ZNF792: variants seen among roughly 807,000 people sequenced by gnomAD.
ZNF792 encodes zinc finger protein 792.
In ZNF792, 14 loss-of-function variants were observed where a neutral mutation model predicts 13.1. That is an observed-to-expected ratio of 1.07 (90% CI 0.71 to 1.67). ZNF792 has a LOEUF of 1.67. Ranked by LOEUF, ZNF792 falls within the 40% of genes most tolerant of loss-of-function variation. ZNF792 has a pLI of 0.00. For missense variants in ZNF792, 740 were observed against 807.9 expected, an observed-to-expected ratio of 0.92 and a Z score of 1.02; for synonymous variants, 257 against 292.0, an observed-to-expected ratio of 0.88 and a Z score of 1.22.
chr19:34,958,855 C>T lies in ZNF792; in HGVS notation c.1000G>A (p.Gly334Ser), dbSNP rs769344554. The T allele has an allele frequency of 1.4e-5, 22 of 1,612,304 alleles. No individual in the cohort carries two copies. Among genetic ancestry groups the T allele is most frequent in the Non-Finnish European group, 1.8e-5 (21 of 1,178,708 alleles). ...TCACCACACACGTGAGGGCTTTCACCGGTGTGAACCCTGCGATGTTTAACA... is the reference window on the plus strand; with the variant it reads ...TCACCACACACGTGAGGGCTTTCACTGGTGTGAACCCTGCGATGTTTAACA... ...SLVKHRRVHT[G>S]ESPHVCGDCG... Residue 334 changes from glycine to serine, a missense_variant, in exon 4 of 4, where the codon GGT becomes AGT. Transcript: ENST00000404801.
chr19:34,963,419 A>G (rs1043623045), intron 1 of ZNF792, among the ~76,000 whole-genome samples: 1 of 151,498 alleles, frequency 6.6e-6, no homozygotes, highest in Admixed American at 6.6e-5. Flanking sequence ...CCTCCATCCC[A>G]TTACATTTCA....
rs2013474274 is a variant in ZNF792, at chr19:34,958,622, T to C, written c.1233A>G (p.Lys411=). ...TTTCTCCAGTGTGAACTCTCCAATG[T>C]TTAATTAGGCTGGAGTTGCAGTTGA... is the stretch of plus-strand genomic sequence containing the variant. ...KSFNCNSSLI[K]HWRVHTGERP... The change falls in exon 4 of 4, where the codon AAA becomes AAG. Residue 411 remains lysine, a synonymous_variant. Transcript: ENST00000404801. 1 of 1,613,166 alleles carries C rather than the reference T, an allele frequency of 6.2e-7. No homozygotes were observed. The highest frequency in any genetic ancestry group is 2.2e-5 in the East Asian group (1 of 44,870).
In ZNF792 at chr19:34,956,805, C is replaced by T. The variant is rs2013438472; in HGVS notation, c.*1151G>A. 6.6e-6 allele frequency: 1 copy of T among 152,216 alleles called. No individual in the cohort carries two copies. 9.4% of individuals were successfully genotyped at this position (152,216 alleles called of 1,614,324 possible). On this transcript the variant is annotated 3_prime_UTR_variant, in exon 4 of 4. Transcript: ENST00000404801. ...TCCCTATTTTCCTGCCAGCACAGCACTGGCCTTCAGATGCACAGCACGGAG... is the reference window on the plus strand; with the variant it reads ...TCCCTATTTTCCTGCCAGCACAGCATTGGCCTTCAGATGCACAGCACGGAG...
rs1012416681 is a variant in ZNF792, at chr19:34,958,952, C to G, written c.903G>C (p.Gln301His). ...ACGGTTTTCCTCTATTGTGAACTTT[C>G]TGGTGTTGAGTGAGGTCAGCGGCGT... ...FTYAADLTQH[Q>H]KVHNRGKPYE... The change falls in exon 4 of 4, where the codon CAG becomes CAC. Residue 301 changes from glutamine (Q) to histidine (H), a missense_variant. By Grantham distance (24) the Gln-to-His change is conservative (BLOSUM62 0). Transcript: ENST00000404801. 1.9e-6 allele frequency: 3 copies of G among 1,614,160 alleles called. No individual in the cohort carries two copies. In the East Asian group the frequency reaches 6.7e-5, roughly 36 times the overall value.
At position 34,957,310 on chromosome 19, in the gene ZNF792, A is replaced by C. The variant is rs1230973555; in HGVS notation, c.*646T>G. 1.3e-5 allele frequency: 2 copies of C among 151,994 alleles called. No individual in the cohort carries two copies. The highest frequency in any genetic ancestry group is 2.1e-4 in the South Asian group (1 of 4,816). 9.4% of individuals were successfully genotyped at this position (151,994 alleles called of 1,614,324 possible). A position where few individuals can be genotyped will look rare whatever the true frequency, so the allele number is the denominator to read the frequency against. On this transcript the variant is annotated 3_prime_UTR_variant, in exon 4 of 4. Coordinates refer to ENST00000404801, the MANE Select transcript of ZNF792 (RefSeq NM_175872.5). ...AATATTATACCCATAAATTCCTACAATTTTTCCTAGGAGGCCTTGGTGGCA... is the reference window on the plus strand; with the variant it reads ...AATATTATACCCATAAATTCCTACACTTTTTCCTAGGAGGCCTTGGTGGCA...
Position 34,957,721 on chromosome 19 carries a change from A to C in ZNF792, c.*235T>G. 1.1e-5 allele frequency: 5 copies of C among 467,036 alleles called. No homozygotes were observed. Among genetic ancestry groups the C allele is most frequent in the East Asian group, 3.5e-5 (1 of 28,916 alleles). 28.9% of individuals were successfully genotyped at this position (467,036 alleles called of 1,614,324 possible). A position where few individuals can be genotyped will look rare whatever the true frequency, so the allele number is the denominator to read the frequency against. ...GCTAAACCAGCCATACAGGGCGGGA[A>C]TGACATCTTCCCAAGGCTTCAGACT... On this transcript the variant is annotated 3_prime_UTR_variant, in exon 4 of 4. Coordinates refer to ENST00000404801, the MANE Select transcript of ZNF792 (RefSeq NM_175872.5).
rs1063235 is a variant in ZNF792 at position 34,957,899 on chromosome 19, C to A, written c.*57G>T. ...CCAGCAGTGAAAAAACGCTGATAAA[C>A]TCTACAGTAAGAGAATGTAACTTGT... On this transcript the variant is annotated 3_prime_UTR_variant, in exon 4 of 4. Transcript: ENST00000404801. The A allele has an allele frequency of 0.5, 752,949 of 1,497,740 alleles. 195,667 individuals are homozygous for A. The highest frequency in any genetic ancestry group is 0.85 in the African/African-American group (61,132 of 71,576). The allele number at this position is 1,497,740 out of a possible 1,614,324, so 92.8% of individuals were successfully genotyped here.
intron 2 of ZNF792, 35 bp from the exon 3 acceptor site, chr19:34,960,392 C>G: frequency 1.2e-6 from 2 of 1,605,314 alleles, no homozygotes; most frequent in Non-Finnish European, 1.7e-6. Context: ...GTGGCCAGCA[C>G]CTGCCCAGTT....
rs375658175 is a variant in ZNF792, at chr19:34,958,579, C to T, written c.1276G>A (p.Glu426Lys). ...ATGTGGCTGAAGAATTTCCCACATT[C>T]GTTACACTTGTAAGGTCTTTCTCCA... ...HTGERPYKCN[E>K]CGKFFSHIAS... is the part of the protein sequence containing the mutation. Residue 426 changes from glutamate (E) to lysine (K), a missense_variant, in exon 4 of 4, where the codon GAA (glutamate) becomes AAA (lysine). Transcript: ENST00000404801. The T allele has an allele frequency of 5.6e-6, 9 of 1,603,826 alleles. No individual in the cohort carries two copies. Among genetic ancestry groups the T allele is most frequent in the Middle Eastern group, 1.7e-4 (1 of 6,008 alleles).
Position 34,958,972 on chromosome 19 carries a change from C to A in ZNF792, c.883G>T (p.Ala295Ser). 1 of 1,614,096 alleles carries A rather than the reference C, an allele frequency of 6.2e-7. No homozygotes were observed. Among genetic ancestry groups the A allele is most frequent in the South Asian group, 1.1e-5 (1 of 91,062 alleles). The change falls in exon 4 of 4, where the codon GCT (alanine) becomes TCT (serine). Residue 295 changes from alanine (A) to serine (S), a missense_variant. Ala to Ser is a moderately conservative substitution (Grantham distance 99). Coordinates refer to ENST00000404801, the MANE Select transcript of ZNF792 (RefSeq NM_175872.5). ...SKCGIFFTYA[A>S]DLTQHQKVHN... ...ACTTTCTGGTGTTGAGTGAGGTCAG[C>A]GGCGTAAGTGAAGAAGATTCCACAT...
rs752879220 is a variant in ZNF792 at position 34,958,079 on chromosome 19, A to T, written c.1776T>A (p.Asn592Lys). 1 of 1,612,552 alleles carries T rather than the reference A, an allele frequency of 6.2e-7. No homozygotes were observed. The highest frequency in any genetic ancestry group is 1.3e-5 in the African/African-American group (1 of 74,928). Residue 592 changes from asparagine to lysine, a missense_variant, in exon 4 of 4, where the codon AAT (asparagine) becomes AAA (lysine). Coordinates refer to ENST00000404801, the MANE Select transcript of ZNF792 (RefSeq NM_175872.5). ...KIHIRERSME[N>K]VLLPCSQHTP... Reference sequence around the variant, plus strand: ...TGTGCTGTGAACAGGGAAGGAGCACATTCTCCATGCTCCTTTCTCTGATGT... The same window carrying T: ...TGTGCTGTGAACAGGGAAGGAGCACTTTCTCCATGCTCCTTTCTCTGATGT...
Position 34,959,367 on chromosome 19 carries a change from TC to T in ZNF792, c.487del (p.Glu163ArgfsTer4), listed in dbSNP as rs1233593891. The T allele has an allele frequency of 1.2e-6, 2 of 1,614,130 alleles. No homozygotes were observed. Among genetic ancestry groups the T allele is most frequent in the Non-Finnish European group, 8.5e-7 (1 of 1,179,962 alleles). On this transcript the variant is annotated frameshift_variant, in exon 4 of 4. Transcript: ENST00000404801. LOFTEE classifies it low-confidence loss of function (END_TRUNC). Reference sequence around the variant, plus strand: ...GAACTCAGAGCCTTTCACATATGCCTCACACACAAATGGTTTCTGCCTGGGA... The same window carrying T: ...GAACTCAGAGCCTTTCACATATGCCTACACACAAATGGTTTCTGCCTGGGA... ...THPRQKPFVC[E>X]AYVKGSEFSA... is the part of the protein sequence containing the mutation.
rs780777179 is a variant in ZNF792 at position 34,963,689 on chromosome 19, C to T, written c.-27G>A. 5.1e-6 allele frequency: 8 copies of T among 1,574,008 alleles called. No individual in the cohort carries two copies. Among genetic ancestry groups the T allele is most frequent in the Middle Eastern group, 3.4e-4 (2 of 5,914 alleles). On this transcript the variant is annotated 5_prime_UTR_variant, in exon 1 of 4. Coordinates refer to ENST00000404801, the MANE Select transcript of ZNF792 (RefSeq NM_175872.5). Reference sequence around the variant, plus strand: ...GGAGTCTGTGGTCAGAGCAGGGCCCCACGGTGCGGGAAACCACGGGGCGGG... The same window carrying T: ...GGAGTCTGTGGTCAGAGCAGGGCCCTACGGTGCGGGAAACCACGGGGCGGG...
rs1457197181 is a variant in ZNF792 at position 34,958,360 on chromosome 19, G to T, written c.1495C>A (p.Leu499Ile). Residue 499 changes from leucine to isoleucine, a missense_variant, in exon 4 of 4, where the codon CTT becomes ATT. By Grantham distance (5) the Leu-to-Ile change is conservative (BLOSUM62 2). Coordinates refer to ENST00000404801, the MANE Select transcript of ZNF792 (RefSeq NM_175872.5). ...QSSSLNSHRR[L>I]HTGERPYQCS... Reference sequence around the variant, plus strand: ...TGGTAAGGCCGTTCACCAGTGTGAAGTCTCCGATGGCTATTGAGGCTGGAG... The same window carrying T: ...TGGTAAGGCCGTTCACCAGTGTGAATTCTCCGATGGCTATTGAGGCTGGAG... The T allele has an allele frequency of 6.2e-7, 1 of 1,612,602 alleles. No individual in the cohort carries two copies. The highest frequency in any genetic ancestry group is 8.5e-7 in the Non-Finnish European group (1 of 1,179,514).
In ZNF792 at chr19:34,958,784, C is replaced by T; in HGVS notation, c.1071G>A (p.Lys357=). 3 of 1,614,104 alleles carry T rather than the reference C, an allele frequency of 1.9e-6. No homozygotes were observed. Among genetic ancestry groups the T allele is most frequent in the Non-Finnish European group, 2.5e-6 (3 of 1,179,988 alleles). The change falls in exon 4 of 4, where the codon AAG becomes AAA. Residue 357 remains lysine (K), a synonymous_variant. Coordinates refer to ENST00000404801, the MANE Select transcript of ZNF792 (RefSeq NM_175872.5). ...FSRSSNLIQH[K]RVHTGEKPYE... ...ATGGCTTTTCACCAGTGTGAACCCT[C>T]TTATGCTGAATGAGGTTGGAGCTTC...
At position 34,957,858 on chromosome 19, in the gene ZNF792, G is replaced by C; in HGVS notation, c.*98C>G. The stretch of plus-strand genomic sequence containing the variant: ...GAGCTGCAGTGTGTGGTGCTGACAT[G>C]GCTTCTATCACAACCCCAGCAGTGA... On this transcript the variant is annotated 3_prime_UTR_variant, in exon 4 of 4. Transcript: ENST00000404801. The C allele has an allele frequency of 8.0e-7, 1 of 1,245,736 alleles. No homozygotes were observed. The highest frequency in any genetic ancestry group is 1.1e-6 in the Non-Finnish European group (1 of 910,124). 77.2% of individuals were successfully genotyped at this position (1,245,736 alleles called of 1,614,324 possible).
chr19:34,958,024 A>G lies in ZNF792; in HGVS notation c.1831T>C (p.Tyr611His), dbSNP rs1183623585. 6.2e-7 allele frequency: 1 copy of G among 1,613,088 alleles called. No individual in the cohort carries two copies. Among genetic ancestry groups the G allele is most frequent in the African/African-American group, 1.3e-5 (1 of 74,910 alleles). ...AACTTGTAGTTGACAGCGCCCTGATAAGGTCTGTTCTCAGAGCTTATCTCT... is the reference window on the plus strand; with the variant it reads ...AACTTGTAGTTGACAGCGCCCTGATGAGGTCTGTTCTCAGAGCTTATCTCT... ...TPEISSENRPYQGAVNYKLKL... is the reference protein window; with the variant it reads ...TPEISSENRPHQGAVNYKLKL... Residue 611 changes from tyrosine (Y) to histidine (H), a missense_variant, in exon 4 of 4, where the codon TAT (tyrosine) becomes CAT (histidine). Transcript: ENST00000404801.
intron 2 of ZNF792, chr19:34,960,654 C>A (rs1422288433): frequency 1.3e-6 from 1 of 776,562 alleles, no homozygotes. Flanking sequence ...TGGAGCTTCC[C>A]TGCAAGGCTT....
At chr19:34,961,050 A>G (rs1471858040) in intron 1 of ZNF792, 56 bp from the exon 2 acceptor site, 2 of 1,567,190 alleles carry the variant, frequency 1.3e-6, no homozygotes, top group East Asian at 2.3e-5. Flanking sequence ...GGGACTCCCT[A>G]TCCATCCCCT....
Sources: gnomAD v4.1 joint callset for allele counts (sites outside exome capture counted in the v4.1 genomes callset) on GRCh38, gnomAD v4.1.1 for gene constraint, MANE v1.5 for transcripts, NCBI Gene and HGNC (gene_info 2026-07-23, HGNC 2026-07-21) for gene names.